GATAD1: variants seen among roughly 807,000 people sequenced by gnomAD.
GATAD1 encodes the protein GATA zinc finger domain containing 1.
Under a neutral mutation model 26.5 loss-of-function variants are expected in GATAD1, and 12 were observed. The ratio of observed to expected loss-of-function variants is 0.45; its 90% CI spans 0.29 to 0.73. The LOEUF is 0.73. Among genes scored for constraint, GATAD1 ranks in the 30% least tolerant of loss-of-function variants. The pLI, the probability that GATAD1 is intolerant of heterozygous loss-of-function variation, is 0.10. For missense variants in GATAD1, 266 were observed against 342.1 expected, an observed-to-expected ratio of 0.78 and a Z score of 1.75; for synonymous variants, 129 against 133.1, an observed-to-expected ratio of 0.97 and a Z score of 0.21.
chr7:92,494,305 A>T, the GATAD1 span: 1 of 1,612,438 alleles, frequency 6.2e-7, no homozygotes, highest in Non-Finnish European at 8.5e-7. Context: ...GATCAGGAGG[A>T]GGACAGTATA....
downstream of GATAD1, among the ~76,000 whole-genome samples, chr7:92,460,350 G>A (rs1206266622): frequency 6.6e-6 from 1 of 152,146 alleles, no homozygotes; most frequent in Non-Finnish European, 1.5e-5. Context: ...CATACCAGGT[G>A]TGTGAGCCAT....
In GATAD1 at chr7:92,454,595, C is replaced by T; in HGVS notation, c.529C>T (p.Gln177Ter). The T allele has an allele frequency of 6.2e-7, 1 of 1,612,968 alleles. No individual in the cohort carries two copies. Among genetic ancestry groups the T allele is most frequent in the Non-Finnish European group, 8.5e-7 (1 of 1,178,952 alleles). Residue 177 changes from glutamine (Q) to a stop codon, truncating the protein, a stop_gained, in exon 4 of 5, where the codon CAG becomes TAG. Transcript: ENST00000287957. LOFTEE classifies it high-confidence loss of function. ...YAQIRGFIQD[Q>*]YCEKSAALTW... is the part of the protein sequence containing the mutation. ...TCAAATCAGAGGTTTTATCCAGGAC[C>T]AGTATTGCGAGAAGAGTGCAGCACT...
Position 92,447,640 on chromosome 7 carries a change from C to T in GATAD1, c.-90C>T. 6.9e-6 allele frequency: 9 copies of T among 1,313,720 alleles called. No homozygotes were observed. Among genetic ancestry groups the T allele is most frequent in the Non-Finnish European group, 7.8e-6 (8 of 1,028,250 alleles). The allele number at this position is 1,313,720 out of a possible 1,614,324, so 81.4% of individuals were successfully genotyped here. A position where few individuals can be genotyped will look rare whatever the true frequency, so the allele number is the denominator to read the frequency against. Reference sequence around the variant, plus strand: ...ACGCTCTCACCGCTCTTCCTATCGCCGGGAGTGGCGGGCCGACCAGGGGGC... The same window carrying T: ...ACGCTCTCACCGCTCTTCCTATCGCTGGGAGTGGCGGGCCGACCAGGGGGC... On this transcript the variant is annotated 5_prime_UTR_variant, in exon 1 of 5. Transcript: ENST00000287957.
chr7:92,489,819 TAAC>T, the GATAD1 span: 1 of 1,614,012 alleles, frequency 6.2e-7, no homozygotes, highest in African/African-American at 1.3e-5. Flanking sequence ...AAGCTGTCCT[TAAC>T]ACTGGAGGCT....
intron 4 of GATAD1, among the ~76,000 whole-genome samples, chr7:92,456,072 C>T (rs193014650): frequency 6.6e-6 from 1 of 152,278 alleles, no homozygotes; most frequent in African/African-American, 2.4e-5. Flanking sequence ...ATAATAGTGC[C>T]TACCTCAGAA....
intron 2 of GATAD1, chr7:92,449,253 C>G: frequency 1.2e-6 from 1 of 815,058 alleles, no homozygotes; most frequent in South Asian, 5.3e-5. Context: ...CTTTAAAAAT[C>G]TAAGTAAATA....
the GATAD1 span, chr7:92,493,032 G>GTA: frequency 3.1e-6 from 5 of 1,612,900 alleles, no homozygotes; most frequent in Non-Finnish European, 4.2e-6. Context: ...ATCAGCTCCA[G>GTA]TAAAGGAGTC....
chr7:92,463,736 A>G (rs1051989436), downstream of GATAD1, among the ~76,000 whole-genome samples: 3 of 152,076 alleles, frequency 2.0e-5, no homozygotes, highest in African/African-American at 7.2e-5. Flanking sequence ...TGGGAGGCCA[A>G]GGCAGGCAGA....
At position 92,449,653 on chromosome 7, in the gene GATAD1, T is replaced by G. The variant is rs190954567; in HGVS notation, c.375+776T>G. ...ACAAAGGGACCCTGCAGTAGACTTA[T>G]GCAGATGGCAGACTATTTTCTTTTT... On this transcript the variant is annotated intron_variant, in intron 2 of 4. Transcript: ENST00000287957. 28 of 959,756 alleles carry G rather than the reference T, an allele frequency of 2.9e-5. No individual in the cohort carries two copies. In the African/African-American group the frequency reaches 4.8e-4, roughly 16 times the overall value. 59.5% of individuals were successfully genotyped at this position (959,756 alleles called of 1,614,324 possible). A position where few individuals can be genotyped will look rare whatever the true frequency, so the allele number is the denominator to read the frequency against.
the GATAD1 span, chr7:92,494,524 C>T: frequency 1.2e-6 from 2 of 1,613,842 alleles, no homozygotes; most frequent in East Asian, 2.2e-5. Context: ...GAGTCAGCAA[C>T]TGGTTAACTA....
the GATAD1 span, chr7:92,469,638 G>A: frequency 4.6e-3 from 3,507 of 764,518 alleles, 97 homozygotes; most frequent in East Asian, 0.082. Flanking sequence ...TGCATTGGGA[G>A]TTGGTTGTGT....
At chr7:92,491,497 T>C in the GATAD1 span, 3 of 1,598,396 alleles carry the variant, frequency 1.9e-6, no homozygotes, top group African/African-American at 4.0e-5. Flanking sequence ...AGCTGGAACT[T>C]CCATCCTAAA....
At chr7:92,448,176 A>C (rs1374988496) in intron 1 of GATAD1, among the ~76,000 whole-genome samples, 198 bp downstream of exon 1, 5 of 152,378 alleles carry the variant, frequency 3.3e-5, no homozygotes, top group Admixed American at 3.3e-4. Flanking sequence ...AATTCAAAGC[A>C]ATAAGAACCA....
At chr7:92,470,260 A>G in the GATAD1 span, 85 of 778,758 alleles carry the variant, frequency 1.1e-4, no homozygotes, top group African/African-American at 1.4e-3. Context: ...GGGACGCTGC[A>G]TTCTCCATAG....
At chr7:92,487,482 G>T in the GATAD1 span, 1 of 1,593,194 alleles carries the variant, frequency 6.3e-7, no homozygotes, top group Non-Finnish European at 8.6e-7. Flanking sequence ...TTTCTGTCCA[G>T]GTCGAAACAT....
the GATAD1 span, chr7:92,490,264 A>G: frequency 3.1e-5 from 8 of 260,904 alleles, no homozygotes; most frequent in South Asian, 3.1e-4. Context: ...AATAAATTAA[A>G]AACAGAATTA....
intron 4 of GATAD1, 68 bp downstream of exon 4, chr7:92,454,753 G>A: frequency 9.1e-7 from 1 of 1,098,210 alleles, no homozygotes; most frequent in Non-Finnish European, 1.3e-6. Flanking sequence ...GTAAAAGAGT[G>A]TGTTAGTCAG....
chr7:92,470,691 A>G, the GATAD1 span: 1 of 244,580 alleles, frequency 4.1e-6, no homozygotes, highest in Admixed American at 5.3e-5. Flanking sequence ...CTTCTCAGGG[A>G]TAGGTTCCTT....
At chr7:92,481,153 G>A in the GATAD1 span, among the ~76,000 whole-genome samples, 138,323 of 152,108 alleles carry the variant, frequency 0.91, 62,931 homozygotes, top group East Asian at 0.97. Context: ...TGGAACTGCC[G>A]TCAGTAAACC....
Sources: allele counts gnomAD v4.1 joint callset (sites outside exome capture counted in the v4.1 genomes callset), GRCh38; gene constraint gnomAD v4.1.1; transcripts MANE v1.5; gene names NCBI Gene and HGNC (gene_info 2026-07-23, HGNC 2026-07-21).